The following SLC22A7 variants were observed in gnomAD, a reference collection of about 807,000 sequenced individuals.
SLC22A7 encodes solute carrier family 22 member 7.
A neutral mutation model predicts 62.2 loss-of-function variants in SLC22A7; 48 were observed. That is an observed-to-expected ratio of 0.77 (90% CI 0.61 to 0.98). SLC22A7 has a LOEUF of 0.98. Among genes scored for constraint, SLC22A7 ranks in the 50% least tolerant of loss-of-function variants. The pLI is 0.00. For missense variants in SLC22A7, 581 were observed against 703.8 expected, an observed-to-expected ratio of 0.83 and a Z score of 1.97; for synonymous variants, 276 against 314.8, an observed-to-expected ratio of 0.88 and a Z score of 1.30.
chr6:43,302,464 C>A lies in SLC22A7; in HGVS notation c.1276+50C>A. 1 of 1,457,088 alleles carries A rather than the reference C, an allele frequency of 6.9e-7. No individual in the cohort carries two copies. The allele number at this position is 1,457,088 out of a possible 1,614,324, so 90.3% of individuals were successfully genotyped here. On this transcript the variant is annotated intron_variant, in intron 8 of 10. Coordinates refer to ENST00000372585, the MANE Select transcript of SLC22A7 (RefSeq NM_153320.2). The surrounding 1 kb of genome is among the most constrained non-coding windows in gnomAD (Gnocchi z 5.0). ...CCCACCCCAGAAGCCGGGCCAGGAACCCTGCCCACTCCCCGGAGACCCCAC... is the reference window on the plus strand; with the variant it reads ...CCCACCCCAGAAGCCGGGCCAGGAAACCTGCCCACTCCCCGGAGACCCCAC...
In SLC22A7 at chr6:43,302,643, G is replaced by A. The variant is rs368386585; in HGVS notation, c.1277-12G>A. On this transcript the variant is annotated splice_polypyrimidine_tract_variant and intron_variant, in intron 8 of 10. Coordinates refer to ENST00000372585, the MANE Select transcript of SLC22A7 (RefSeq NM_153320.2). The surrounding 1 kb of genome is among the most constrained non-coding windows in gnomAD (Gnocchi z 5.0). ...CAAGGCCCTCTCACTACCTGAACCCGCTTCCCTCCAGATATGAAGTCCTGG... is the reference window on the plus strand; with the variant it reads ...CAAGGCCCTCTCACTACCTGAACCCACTTCCCTCCAGATATGAAGTCCTGG... 68 of 1,583,886 alleles carry A rather than the reference G, an allele frequency of 4.3e-5. No homozygotes were observed. The highest frequency in any genetic ancestry group is 5.2e-5 in the Admixed American group (3 of 57,674).
In SLC22A7 at chr6:43,304,086, T is replaced by C. The variant is rs760726425; in HGVS notation, c.1434T>C (p.Ser478=). The change falls in exon 10 of 11, where the codon TCT becomes TCC. Residue 478 remains serine (S), a synonymous_variant. Transcript: ENST00000372585. Reference sequence around the variant, plus strand: ...CACTGGTGGGCCGGCTGGGGGGCTCTTTGGCCCCACTGGCGGCCTTGCTGG... The same window carrying C: ...CACTGGTGGGCCGGCTGGGGGGCTCCTTGGCCCCACTGGCGGCCTTGCTGG... The part of the protein sequence containing the change: ...LTALVGRLGG[S]LAPLAALLDG... The C allele has an allele frequency of 3.1e-6, 5 of 1,598,376 alleles. No individual in the cohort carries two copies. The highest frequency in any genetic ancestry group is 4.3e-6 in the Non-Finnish European group (5 of 1,170,848).
At chr6:43,297,556 A>T (rs956776733), upstream of SLC22A7, among the ~76,000 whole-genome samples, 2 of 152,180 alleles carry the variant, frequency 1.3e-5, no homozygotes, top group African/African-American at 4.8e-5. Flanking sequence ...CTACCCCTCC[A>T]AAAGGTAATC....
chr6:43,304,376 CG>C (rs1169436687), intron 10 of SLC22A7, 132 bp downstream of exon 10: 21 of 808,612 alleles, frequency 2.6e-5, no homozygotes, highest in Non-Finnish European at 3.9e-5. Flanking sequence ...TGTATGTGTG[CG>C]TGCACAGGTG....
In SLC22A7 at chr6:43,304,897, C is replaced by T. The variant is rs1778887880; in HGVS notation, c.*172C>T. 2.1e-6 allele frequency: 1 copy of T among 484,848 alleles called. No homozygotes were observed. The highest frequency in any genetic ancestry group is 3.8e-5 in the South Asian group (1 of 26,396). The allele number at this position is 484,848 out of a possible 1,614,324, so 30.0% of individuals were successfully genotyped here. A position where few individuals can be genotyped will look rare whatever the true frequency, so the allele number is the denominator to read the frequency against. Reference sequence around the variant, plus strand: ...TCCTTGATTATTTGGCTTCTAGGAACAGTTGACTTCCCAGAATGCAGTGGG... The same window carrying T: ...TCCTTGATTATTTGGCTTCTAGGAATAGTTGACTTCCCAGAATGCAGTGGG... On this transcript the variant is annotated 3_prime_UTR_variant, in exon 11 of 11. Transcript: ENST00000372585.
chr6:43,296,535 C>G (rs1178140904), upstream of SLC22A7, among the ~76,000 whole-genome samples: 1 of 152,142 alleles, frequency 6.6e-6, no homozygotes, highest in Admixed American at 6.5e-5. Context: ...GAGGGAGGAA[C>G]CAACAGTGTG....
At chr6:43,296,589 C>T (rs1778569400), upstream of SLC22A7, among the ~76,000 whole-genome samples, 2 of 152,208 alleles carry the variant, frequency 1.3e-5, no homozygotes, top group Admixed American at 1.3e-4. Context: ...GGTGTCTCCC[C>T]TTGAGCTGGT....
intron 7 of SLC22A7, 67 bp downstream of exon 7, chr6:43,301,759 T>C (rs1002141973): frequency 1.6e-5 from 19 of 1,189,610 alleles, no homozygotes; most frequent in Non-Finnish European, 2.2e-5. Flanking sequence ...AGGCTGGTGC[T>C]GAGTGTGAGA....
upstream of SLC22A7, among the ~76,000 whole-genome samples, chr6:43,296,695 G>C (rs373771635): frequency 5.9e-5 from 9 of 152,250 alleles, no homozygotes; most frequent in East Asian, 1.2e-3. Flanking sequence ...GAGCTGGTGT[G>C]TGCAGAGAAC....
At chr6:43,301,083 T>A in intron 5 of SLC22A7, 52 bp from the exon 6 acceptor site, 1 of 1,610,864 alleles carries the variant, frequency 6.2e-7, no homozygotes, top group Non-Finnish European at 8.5e-7. Flanking sequence ...TCCAGGAACA[T>A]GTGGCTTAGG....
At position 43,301,237 on chromosome 6, in the gene SLC22A7, T is replaced by TGAGG; in HGVS notation, c.931_934dup (p.Asp312GlyfsTer110). On this transcript the variant is annotated frameshift_variant, in exon 6 of 11. Coordinates refer to ENST00000372585, the MANE Select transcript of SLC22A7 (RefSeq NM_153320.2). LOFTEE classifies it high-confidence loss of function. The stretch of plus-strand genomic sequence containing the variant: ...CCAGGCTCAATGGGCGGCCAGTGTG[T>TGAGG]GAGGACAGCTTCAGCCAGGAGGTGA... 1 of 1,614,120 alleles carries TGAGG rather than the reference T, an allele frequency of 6.2e-7. No individual in the cohort carries two copies. The highest frequency in any genetic ancestry group is 8.5e-7 in the Non-Finnish European group (1 of 1,180,012).
intron 7 of SLC22A7, 118 bp downstream of exon 7, chr6:43,301,810 G>A: frequency 2.8e-6 from 2 of 721,390 alleles, no homozygotes. Context: ...GTGGAGGGCA[G>A]GAGGATAAAC....
chr6:43,302,638 A>G lies in SLC22A7; in HGVS notation c.1277-17A>G. On this transcript the variant is annotated splice_polypyrimidine_tract_variant and intron_variant, in intron 8 of 10. Transcript: ENST00000372585. The surrounding 1 kb of genome is among the most constrained non-coding windows in gnomAD (Gnocchi z 5.0). ...TCCTCCAAGGCCCTCTCACTACCTGAACCCGCTTCCCTCCAGATATGAAGT... is the reference window on the plus strand; with the variant it reads ...TCCTCCAAGGCCCTCTCACTACCTGGACCCGCTTCCCTCCAGATATGAAGT... The G allele has an allele frequency of 7.0e-6, 11 of 1,575,108 alleles. No homozygotes were observed. Among genetic ancestry groups the G allele is most frequent in the Non-Finnish European group, 9.5e-6 (11 of 1,153,122 alleles).
rs1309838657 is a variant in SLC22A7, at chr6:43,298,479, C to T, written c.121C>T (p.Leu41=). The part of the protein sequence containing the change: ...LPLHFLLPIF[L]AAVPAHRCAL... ...ACTGCACTTCCTCCTGCCCATCTTC[C>T]TGGCTGCCGTGCCTGCCCACCGATG... Residue 41 remains leucine (L), a synonymous_variant, in exon 1 of 11, where the codon CTG becomes TTG. Coordinates refer to ENST00000372585, the MANE Select transcript of SLC22A7 (RefSeq NM_153320.2). 2.5e-6 allele frequency: 4 copies of T among 1,613,620 alleles called. No homozygotes were observed. The highest frequency in any genetic ancestry group is 2.2e-5 in the East Asian group (1 of 44,902).
At chr6:43,297,141 G>A (rs992546050), upstream of SLC22A7, among the ~76,000 whole-genome samples, 5 of 152,086 alleles carry the variant, frequency 3.3e-5, no homozygotes, top group Non-Finnish European at 5.9e-5. Context: ...CCATGCCATC[G>A]ATTTAGCTCC....
rs996518612 is a variant in SLC22A7 at position 43,302,479 on chromosome 6, G to A, written c.1276+65G>A. 63 of 1,405,162 alleles carry A rather than the reference G, an allele frequency of 4.5e-5. No homozygotes were observed. Among genetic ancestry groups the A allele is most frequent in the Admixed American group, 2.0e-4 (9 of 44,922 alleles). The allele number at this position is 1,405,162 out of a possible 1,614,324, so 87.0% of individuals were successfully genotyped here. On this transcript the variant is annotated intron_variant, in intron 8 of 10. Transcript: ENST00000372585. This position sits in a 1 kb window ranked among gnomAD's most constrained non-coding sequence, Gnocchi z 5.0. ...GGGCCAGGAACCCTGCCCACTCCCC[G>A]GAGACCCCACCTCCTGGCCAAGAAC...
intron 6 of SLC22A7, 76 bp downstream of exon 6, chr6:43,301,334 A>G: frequency 6.3e-7 from 1 of 1,589,382 alleles, no homozygotes; most frequent in Non-Finnish European, 8.6e-7. Context: ...CCTCCCTCCC[A>G]GAGCCCACCA....
Position 43,302,689 on chromosome 6 carries a change from G to A in SLC22A7, c.1311G>A (p.Met437Ile), listed in dbSNP as rs144507531. The change falls in exon 9 of 11, where the codon ATG (methionine) becomes ATA (isoleucine). Residue 437 changes from methionine to isoleucine, a missense_variant. Met to Ile is a conservative substitution (Grantham distance 10, BLOSUM62 1). Coordinates refer to ENST00000372585, the MANE Select transcript of SLC22A7 (RefSeq NM_153320.2). The surrounding 1 kb of genome is among the most constrained non-coding windows in gnomAD (Gnocchi z 5.0). ...CCTGGAGCACTGTCCTGGCAGTGATGGGGAAAGCTTTTTCTGAAGCTGCCT... is the reference window on the plus strand; with the variant it reads ...CCTGGAGCACTGTCCTGGCAGTGATAGGGAAAGCTTTTTCTGAAGCTGCCT... ...MKSWSTVLAV[M>I]GKAFSEAAFT... The A allele has an allele frequency of 1.6e-4, 253 of 1,608,248 alleles. No individual in the cohort carries two copies. The highest frequency in any genetic ancestry group is 1.7e-4 in the Non-Finnish European group (200 of 1,176,848).
At chr6:43,303,832 G>A (rs1268267560) in intron 9 of SLC22A7, among the ~76,000 whole-genome samples, 1 of 152,196 alleles carries the variant, frequency 6.6e-6, no homozygotes, top group African/African-American at 2.4e-5. Flanking sequence ...GTCAGAATGG[G>A]GGCCCTGTCC....
Sources: allele counts gnomAD v4.1 joint callset (sites outside exome capture counted in the v4.1 genomes callset), GRCh38; gene constraint gnomAD v4.1.1; non-coding constraint Gnocchi (gnomAD v3.1); transcripts MANE v1.5; gene names NCBI Gene and HGNC (gene_info 2026-07-23, HGNC 2026-07-21).